RAB12: variants seen among roughly 807,000 people sequenced by gnomAD.
RAB12 encodes the protein ras-related protein Rab-12.
RAB12 carries 11 observed loss-of-function variants against 28.4 expected under a neutral mutation model. That is an observed-to-expected ratio of 0.39 (90% confidence interval 0.24 to 0.64). The LOEUF (loss-of-function observed/expected upper bound fraction) is 0.64. RAB12 is among the 30% of genes least tolerant of loss of function. The pLI is 0.50. For synonymous variants in RAB12, 138 were observed against 145.3 expected (o/e 0.95, Z 0.36); for missense variants, 276 against 351.1 (o/e 0.79, Z 1.71).
At chr18:8,628,109 G>T (rs186855049) in intron 2 of RAB12, among the ~76,000 whole-genome samples, 9 of 152,156 alleles carry the variant, frequency 5.9e-5, no homozygotes, top group Admixed American at 1.3e-4. Flanking sequence ...CTAGAAATCC[G>T]CACCTTATCA....
chr18:8,635,804 A>G (rs2096018564), intron 4 of RAB12, 182 bp downstream of exon 4: 1 of 508,678 alleles, frequency 2.0e-6, no homozygotes, highest in East Asian at 3.2e-5. Flanking sequence ...TTCATTCTGA[A>G]ATGGAGGGAG....
At chr18:8,610,062 C>T (rs780713558) in intron 1 of RAB12, 109 bp downstream of exon 1, 6 of 795,540 alleles carry the variant, frequency 7.5e-6, no homozygotes, top group South Asian at 4.7e-5. Context: ...CGGGGATGGG[C>T]CTCTCGGTGA....
Position 8,638,382 on chromosome 18 carries a change from C to T in RAB12, c.*120C>T, listed in dbSNP as rs893882790. 6.3e-5 allele frequency: 43 copies of T among 685,928 alleles called. No individual in the cohort carries two copies. In the South Asian group the frequency reaches 7.7e-4, roughly 12 times the overall value. The allele number at this position is 685,928 out of a possible 1,614,324, so 42.5% of individuals were successfully genotyped here. On this transcript the variant is annotated 3_prime_UTR_variant, in exon 6 of 6. Coordinates refer to ENST00000649141, the MANE Select transcript of RAB12 (RefSeq NM_001025300.3). ...CTTTGTAATCCAAGTCAGAGCTATA[C>T]ACTAACTTGTAAATATGCATATATG... is the stretch of plus-strand genomic sequence containing the variant.
In RAB12 at chr18:8,609,818, C is replaced by A; in HGVS notation, c.379C>A (p.Arg127=). ...SPALSGGQGR[R]RKQPPRPADF... ...GGCGCTGTCGGGCGGCCAGGGCCGC[C>A]GGAGGAAGCAGCCCCCCAGGCCGGC... Residue 127 remains arginine (R), a synonymous_variant, in exon 1 of 6, where the codon CGG becomes AGG. Transcript: ENST00000649141. The A allele has an allele frequency of 6.7e-7, 1 of 1,503,488 alleles. No individual in the cohort carries two copies. The highest frequency in any genetic ancestry group is 8.9e-7 in the Non-Finnish European group (1 of 1,128,212). The allele number at this position is 1,503,488 out of a possible 1,614,324, so 93.1% of individuals were successfully genotyped here. A position where few individuals can be genotyped will look rare whatever the true frequency, so the allele number is the denominator to read the frequency against.
Position 8,636,331 on chromosome 18 carries a change from A to G in RAB12, c.883A>G (p.Lys295Glu). 6.2e-7 allele frequency: 1 copy of G among 1,608,492 alleles called. No homozygotes were observed. Among genetic ancestry groups the G allele is most frequent in the Non-Finnish European group, 8.5e-7 (1 of 1,176,390 alleles). ...DNFNVDEIFL[K>E]LVDDILKKMP... is the part of the protein sequence containing the mutation. Reference sequence around the variant, plus strand: ...CTTCAATGTGGACGAGATATTTTTGAAACTTGTCGATGACATTCTGAAAAA... The same window carrying G: ...CTTCAATGTGGACGAGATATTTTTGGAACTTGTCGATGACATTCTGAAAAA... The change falls in exon 5 of 6, where the codon AAA becomes GAA. Residue 295 changes from lysine to glutamate, a missense_variant. Transcript: ENST00000649141.
At chr18:8,617,826 A>G (rs1469625728) in intron 1 of RAB12, among the ~76,000 whole-genome samples, 3 of 152,180 alleles carry the variant, frequency 2.0e-5, no homozygotes, top group East Asian at 1.9e-4. Flanking sequence ...TAGGCAGTCT[A>G]CCAGCTTCCC....
At chr18:8,610,082 C>T (rs2096002837) in intron 1 of RAB12, 129 bp downstream of exon 1, 3 of 678,116 alleles carry the variant, frequency 4.4e-6, no homozygotes, top group Non-Finnish European at 7.4e-6. Context: ...AAACTAGGGG[C>T]GGGGGTCTCC....
intron 1 of RAB12, among the ~76,000 whole-genome samples, chr18:8,620,165 C>CCTTAAA (rs2096009078): frequency 1.3e-5 from 1 of 75,432 alleles, no homozygotes; most frequent in Non-Finnish European, 2.3e-5. Context: ...TTTTTTGCTT[C>CCTTAAA]AAAAAAAAAA....
At chr18:8,618,489 T>G (rs1217845825) in intron 1 of RAB12, among the ~76,000 whole-genome samples, 2 of 151,870 alleles carry the variant, frequency 1.3e-5, no homozygotes, top group Non-Finnish European at 2.9e-5. Flanking sequence ...CTACTAGCAG[T>G]GAGTTTGCAT....
At chr18:8,620,636 A>G (rs551658342) in intron 1 of RAB12, among the ~76,000 whole-genome samples, 1 of 152,004 alleles carries the variant, frequency 6.6e-6, no homozygotes, top group East Asian at 1.9e-4. Context: ...TTACATATAC[A>G]GCATTTGATG....
Position 8,636,289 on chromosome 18 carries a change from G to T in RAB12, c.841G>T (p.Ala281Ser). ...GATCACTGGGATGCGGTTCTGTGAA[G>T]CAAGTGCCAAGGATAACTTCAATGT... is the stretch of plus-strand genomic sequence containing the variant. The part of the protein sequence containing the change: ...QQITGMRFCE[A>S]SAKDNFNVDE... The change falls in exon 5 of 6, where the codon GCA (alanine) becomes TCA (serine). Residue 281 changes from alanine (A) to serine (S), a missense_variant. Physicochemically the swap from Ala to Ser is moderately conservative, Grantham distance 99 (BLOSUM62 1). Around this residue, in one of 4 missense-constraint regions of RAB12, gnomAD observed 127 missense variants for 161.4 expected, o/e 0.79. Coordinates refer to ENST00000649141, the MANE Select transcript of RAB12 (RefSeq NM_001025300.3). 6.2e-7 allele frequency: 1 copy of T among 1,613,774 alleles called. No homozygotes were observed. Among genetic ancestry groups the T allele is most frequent in the South Asian group, 1.1e-5 (1 of 91,070 alleles).
chr18:8,619,440 A>G (rs1176943545), intron 1 of RAB12, among the ~76,000 whole-genome samples: 1 of 152,248 alleles, frequency 6.6e-6, no homozygotes, highest in African/African-American at 2.4e-5. Context: ...AAATCTTACA[A>G]GCACTAAGTC....
At chr18:8,630,146 A>G (rs1054070133) in intron 2 of RAB12, among the ~76,000 whole-genome samples, 2 of 152,230 alleles carry the variant, frequency 1.3e-5, no homozygotes, top group African/African-American at 2.4e-5. Context: ...CCTATGACAC[A>G]GCATCAGGTG....
At chr18:8,613,854 A>AGTG (rs2096005238) in intron 1 of RAB12, among the ~76,000 whole-genome samples, 2 of 151,962 alleles carry the variant, frequency 1.3e-5, no homozygotes, top group South Asian at 4.1e-4. Context: ...TAGTAGTAGT[A>AGTG]GTAGTAGTAG....
chr18:8,625,062 A>G, intron 2 of RAB12, 64 bp downstream of exon 2: 1 of 1,063,404 alleles, frequency 9.4e-7, no homozygotes, highest in Non-Finnish European at 1.4e-6. Context: ...GTACTTGTCT[A>G]ATAAAATGAA....
At chr18:8,611,913 G>T (rs2096004043) in intron 1 of RAB12, among the ~76,000 whole-genome samples, 1 of 152,220 alleles carries the variant, frequency 6.6e-6, no homozygotes, top group Non-Finnish European at 1.5e-5. Context: ...TTAGTACTCA[G>T]TGCGTGCTTC....
rs1408848588 is a variant in RAB12, at chr18:8,639,304, C to T, written c.*1042C>T. On this transcript the variant is annotated 3_prime_UTR_variant, in exon 6 of 6. Coordinates refer to ENST00000649141, the MANE Select transcript of RAB12 (RefSeq NM_001025300.3). ...TATGTATTTGAATAACTTGGTGTGT[C>T]TTGAGTGTTGTGGTATGAAAAGCAT... is the stretch of plus-strand genomic sequence containing the variant. 2 of 151,628 alleles carry T rather than the reference C, an allele frequency of 1.3e-5. No individual in the cohort carries two copies. The highest frequency in any genetic ancestry group is 2.9e-5 in the Non-Finnish European group (2 of 67,894). The allele number at this position is 151,628 out of a possible 1,614,324, so 9.4% of individuals were successfully genotyped here. A position where few individuals can be genotyped will look rare whatever the true frequency, so the allele number is the denominator to read the frequency against.
intron 1 of RAB12, among the ~76,000 whole-genome samples, chr18:8,620,706 G>A (rs1170986349): frequency 6.6e-6 from 1 of 152,176 alleles, no homozygotes; most frequent in Non-Finnish European, 1.5e-5. Context: ...GTGCCAGGCA[G>A]TGTCCTAGAC....
At chr18:8,614,520 A>AG (rs1555615823) in intron 1 of RAB12, among the ~76,000 whole-genome samples, 1,597 of 127,648 alleles carry the variant, frequency 0.013, 33 homozygotes, top group African/African-American at 0.046. Context: ...AAAAAAAAAG[A>AG]AAAAAAAAAG....
Sources: gnomAD v4.1 joint callset for allele counts (sites outside exome capture counted in the v4.1 genomes callset) on GRCh38, gnomAD v4.1.1 for gene constraint, gnomAD v4.1.1 regional missense constraint, MANE v1.5 for transcripts, NCBI Gene and HGNC (gene_info 2026-07-23, HGNC 2026-07-21) for gene names.